Variants in AAGAB observed in about 807,000 individuals in gnomAD.
AAGAB encodes the protein alpha and gamma adaptin binding protein.
A neutral mutation model predicts 44.1 loss-of-function variants in AAGAB; 38 were observed. The observed-to-expected ratio is 0.86, with a 90% confidence interval of 0.67 to 1.13. The LOEUF (loss-of-function observed/expected upper bound fraction) is 1.13. Ranked by LOEUF, AAGAB falls within the 50% of genes most tolerant of loss-of-function variation. The pLI, the probability that AAGAB is intolerant of heterozygous loss-of-function variation, is 0.00. For synonymous variants in AAGAB, 131 were observed against 131.8 expected (o/e 0.99, Z 0.04); for missense variants, 450 against 373.8 (o/e 1.20, Z -1.68).
In AAGAB at chr15:67,254,599, G is replaced by A. The variant is rs1261757664; in HGVS notation, c.33C>T (p.Thr11=). 6 of 1,609,382 alleles carry A rather than the reference G, an allele frequency of 3.7e-6. No homozygotes were observed. The highest frequency in any genetic ancestry group is 1.7e-5 in the Admixed American group (1 of 59,682). The change falls in exon 1 of 10, where the codon ACC becomes ACT. Residue 11 remains threonine (T), a synonymous_variant. Coordinates refer to ENST00000261880, the MANE Select transcript of AAGAB (RefSeq NM_024666.5). MAAGVPCALV[T]SCSSVFSGDQ... ...CTCCTGAGAAGACGGAGGAGCAGCT[G>A]GTGACTAACGCACAGGGTACGCCAG...
At chr15:67,229,664 C>T (rs1352393412) in intron 5 of AAGAB, among the ~76,000 whole-genome samples, 1 of 151,952 alleles carries the variant, frequency 6.6e-6, no homozygotes, top group African/African-American at 2.4e-5. Context: ...AGGAGCTTCT[C>T]TAATGACGAC....
chr15:67,216,358 C>G (rs1281316592), intron 5 of AAGAB, among the ~76,000 whole-genome samples: 1 of 138,612 alleles, frequency 7.2e-6, no homozygotes, highest in Non-Finnish European at 1.5e-5. Flanking sequence ...AGGAGAACTG[C>G]TTGAACCCGG....
At chr15:67,254,318 G>C in intron 1 of AAGAB, 2 of 1,133,514 alleles carry the variant, frequency 1.8e-6, no homozygotes. Flanking sequence ...TGAGCAGAGC[G>C]GGAAATCAGT....
At chr15:67,214,755 C>T (rs1421942815) in intron 5 of AAGAB, among the ~76,000 whole-genome samples, 2 of 152,052 alleles carry the variant, frequency 1.3e-5, no homozygotes, top group Non-Finnish European at 2.9e-5. Flanking sequence ...GTTCTCCTGC[C>T]TCAGCCTCCT....
In AAGAB at chr15:67,200,676, A is replaced by C. The variant is rs1431905717; in HGVS notation, c.*2145T>G. On this transcript the variant is annotated 3_prime_UTR_variant, in exon 10 of 10. Coordinates refer to ENST00000261880, the MANE Select transcript of AAGAB (RefSeq NM_024666.5). ...CCAAAAACCAAGTCTCTTATTTTAAATTCCAGCTGGCAATTCTGTAACAAC... is the reference window on the plus strand; with the variant it reads ...CCAAAAACCAAGTCTCTTATTTTAACTTCCAGCTGGCAATTCTGTAACAAC... Among the ~76,000 whole-genome samples the C allele has an allele frequency of 6.6e-6, 1 of 152,246 alleles. No individual in the cohort carries two copies. The highest frequency in any genetic ancestry group is 1.9e-4 in the East Asian group (1 of 5,206).
At chr15:67,212,775 T>C (rs559770883) in intron 5 of AAGAB, among the ~76,000 whole-genome samples, 1 of 152,364 alleles carries the variant, frequency 6.6e-6, no homozygotes, top group African/African-American at 2.4e-5. Context: ...TATATACCTA[T>C]GGCTTTTAAA....
rs1596012610 is a variant in AAGAB at position 67,242,141 on chromosome 15, G to GATTCATACT, written c.74-5322_74-5321insAGTATGAAT. On this transcript the variant is annotated intron_variant, in intron 1 of 9. Coordinates refer to ENST00000261880, the MANE Select transcript of AAGAB (RefSeq NM_024666.5). ...AGACAGACTTTTAAAAATCATATCG[G>GATTCATACT]GGCCGGGCGCGGTGGCTCACGCCTG... Among the ~76,000 whole-genome samples, 417 of 145,190 alleles carry GATTCATACT rather than the reference G, an allele frequency of 2.9e-3. 9 individuals carry two copies. The highest frequency in any genetic ancestry group is 5.5e-3 in the Admixed American group (76 of 13,918).
intron 1 of AAGAB, among the ~76,000 whole-genome samples, chr15:67,238,065 A>G (rs1371148050): frequency 3.3e-5 from 5 of 152,214 alleles, no homozygotes; most frequent in African/African-American, 1.2e-4. Context: ...TCATGCAGTT[A>G]AGAGGAACGA....
intron 5 of AAGAB, among the ~76,000 whole-genome samples, chr15:67,226,259 A>T (rs563010172): frequency 1.8e-4 from 27 of 151,944 alleles, no homozygotes; most frequent in Non-Finnish European, 3.8e-4. Context: ...CAGCCTCCCC[A>T]ATAGCTGGGA....
At chr15:67,209,053 A>C (rs1963748965) in intron 6 of AAGAB, among the ~76,000 whole-genome samples, 1 of 152,236 alleles carries the variant, frequency 6.6e-6, no homozygotes. Context: ...CTGCTGACCA[A>C]GGTAAACCTG....
At chr15:67,241,383 T>C (rs1429415247) in intron 1 of AAGAB, among the ~76,000 whole-genome samples, 1 of 152,202 alleles carries the variant, frequency 6.6e-6, no homozygotes, top group Non-Finnish European at 1.5e-5. Flanking sequence ...CTTCTCAGAA[T>C]GCAAAGTTGG....
intron 5 of AAGAB, among the ~76,000 whole-genome samples, chr15:67,225,981 C>T (rs1459679527): frequency 6.6e-6 from 1 of 152,142 alleles, no homozygotes; most frequent in Non-Finnish European, 1.5e-5. Context: ...ATTTTATATT[C>T]CCACCATCAG....
At chr15:67,242,837 T>C (rs530931200) in intron 1 of AAGAB, 1 of 152,238 alleles carries the variant, frequency 6.6e-6, no homozygotes, top group African/African-American at 2.4e-5. Context: ...GTCACTGGAG[T>C]AGCATAGACT....
chr15:67,244,069 C>T (rs528320709), intron 1 of AAGAB, among the ~76,000 whole-genome samples: 64 of 152,192 alleles, frequency 4.2e-4, no homozygotes, highest in Middle Eastern at 3.4e-3. Context: ...AATGTCAATG[C>T]TCAGGATGAC....
intron 4 of AAGAB, 113 bp from the exon 5 acceptor site, chr15:67,232,010 T>C (rs1285584986): frequency 2.5e-6 from 2 of 808,574 alleles, no homozygotes; most frequent in Non-Finnish European, 4.0e-6. Flanking sequence ...TCCCAGCACT[T>C]TGGGAGGCCA....
In AAGAB at chr15:67,236,454, C is replaced by T; in HGVS notation, c.315G>A (p.Trp105Ter). 2 of 1,614,108 alleles carry T rather than the reference C, an allele frequency of 1.2e-6. No homozygotes were observed. The stretch of plus-strand genomic sequence containing the variant: ...AGACCAAGATCATCACCTCAGGTAA[C>T]CATGCTTTTGCCAGTGGAAGCCATG... ...VSSWLPLAKA[W>*]LPEVMILVCD... Residue 105 changes from tryptophan (W) to a stop codon, truncating the protein, a stop_gained, in exon 3 of 10, where the codon TGG becomes TGA. Coordinates refer to ENST00000261880, the MANE Select transcript of AAGAB (RefSeq NM_024666.5). LOFTEE classifies it high-confidence loss of function.
Position 67,204,202 on chromosome 15 carries a change from C to T in AAGAB, c.716-54G>A, listed in dbSNP as rs572298456. 2.3e-3 allele frequency: 2,876 copies of T among 1,253,480 alleles called. 4 individuals are homozygous for T. Among genetic ancestry groups the T allele is most frequent in the Non-Finnish European group, 3.0e-3 (2,572 of 869,198 alleles). 77.6% of individuals were successfully genotyped at this position (1,253,480 alleles called of 1,614,324 possible). A position where few individuals can be genotyped will look rare whatever the true frequency, so the allele number is the denominator to read the frequency against. ...TCACGTTATTTGCATATGTGCTACACTCAGAGAATCCTAAGGCAAATGCTA... is the reference window on the plus strand; with the variant it reads ...TCACGTTATTTGCATATGTGCTACATTCAGAGAATCCTAAGGCAAATGCTA... On this transcript the variant is annotated intron_variant, in intron 7 of 9. Coordinates refer to ENST00000261880, the MANE Select transcript of AAGAB (RefSeq NM_024666.5).
At chr15:67,225,875 C>T (rs562689887) in intron 5 of AAGAB, among the ~76,000 whole-genome samples, 5 of 152,268 alleles carry the variant, frequency 3.3e-5, no homozygotes, top group South Asian at 2.1e-4. Flanking sequence ...CAGTTCTCTT[C>T]GGTATATAGC....
Position 67,254,567 on chromosome 15 carries a change from A to G in AAGAB, c.65T>C (p.Leu22Pro), listed in dbSNP as rs1702211752. 6.2e-7 allele frequency: 1 copy of G among 1,609,222 alleles called. No homozygotes were observed. The highest frequency in any genetic ancestry group is 1.3e-5 in the African/African-American group (1 of 74,972). Residue 22 changes from leucine (L) to proline (P), a missense_variant, in exon 1 of 10, where the codon CTG becomes CCG. Physicochemically the swap from Leu to Pro is moderately conservative, Grantham distance 98 (BLOSUM62 -3). Coordinates refer to ENST00000261880, the MANE Select transcript of AAGAB (RefSeq NM_024666.5). ...GGCGCCTATCTACTCACGTTGGACC[A>G]GCTGGTCTCCTGAGAAGACGGAGGA... The part of the protein sequence containing the change: ...SCSSVFSGDQ[L>P]VQHILGTEDL...
Sources: allele counts gnomAD v4.1 joint callset (sites outside exome capture counted in the v4.1 genomes callset), GRCh38; gene constraint gnomAD v4.1.1; transcripts MANE v1.5; gene names NCBI Gene and HGNC (gene_info 2026-07-23, HGNC 2026-07-21).